The following SPTBN1 variants were observed in gnomAD, a reference collection of about 807,000 sequenced individuals.
SPTBN1 encodes the protein spectrin beta chain, non-erythrocytic 1.
A neutral mutation model predicts 266.4 loss-of-function variants in SPTBN1; 32 were observed. The ratio of observed to expected loss-of-function variants is 0.12; its 90% CI spans 0.09 to 0.16. SPTBN1 has a LOEUF of 0.16. SPTBN1 is among the 10% of genes least tolerant of loss of function. The pLI is 1.00. For missense variants in SPTBN1, 2,296 were observed against 3,067.1 expected, an observed-to-expected ratio of 0.75 and a Z score of 5.94; for synonymous variants, 1,336 against 1,162.2, an observed-to-expected ratio of 1.15 and a Z score of -3.04.
Position 54,664,783 on chromosome 2 carries a change from C to A in SPTBN1, c.6659+92C>A. The A allele has an allele frequency of 1.5e-6, 2 of 1,298,820 alleles. No homozygotes were observed. The highest frequency in any genetic ancestry group is 2.1e-6 in the Non-Finnish European group (2 of 933,744). The allele number at this position is 1,298,820 out of a possible 1,614,324, so 80.5% of individuals were successfully genotyped here. On this transcript the variant is annotated intron_variant, in intron 33 of 35. Coordinates refer to ENST00000356805, the MANE Select transcript of SPTBN1 (RefSeq NM_003128.3). This position sits in a 1 kb window ranked among gnomAD's most constrained non-coding sequence, Gnocchi z 5.6. ...TCTTGAATTGGAAGAGAAGTATGTG[C>A]TCATGTAGTTTTATTCCTTTGGTAG...
intron 1 of SPTBN1, among the ~76,000 whole-genome samples, chr2:54,495,251 G>C (rs1668904272): frequency 6.6e-6 from 1 of 152,198 alleles, no homozygotes; most frequent in African/African-American, 2.4e-5. Flanking sequence ...GTACATCACT[G>C]ACGGGTGGTA....
At chr2:54,643,204 A>G in intron 19 of SPTBN1, 75 bp downstream of exon 19, 4 of 1,576,698 alleles carry the variant, frequency 2.5e-6, no homozygotes, top group Non-Finnish European at 3.5e-6. Flanking sequence ...TATTTAGCAC[A>G]TTTTCCAGCA....
intron 2 of SPTBN1, among the ~76,000 whole-genome samples, chr2:54,574,492 G>A (rs529569587): frequency 5.3e-4 from 81 of 152,178 alleles, no homozygotes; most frequent in Non-Finnish European, 1.1e-3. Flanking sequence ...CCCTAGCTGC[G>A]CAGAAAGCAT....
intron 1 of SPTBN1, among the ~76,000 whole-genome samples, chr2:54,510,119 C>T (rs762063814): frequency 4.3e-4 from 66 of 151,876 alleles, no homozygotes; most frequent in Non-Finnish European, 9.0e-4. Flanking sequence ...CCTCTGCGCC[C>T]GGCTAATTTT....
chr2:54,629,998 A>G lies in SPTBN1; in HGVS notation c.2776A>G (p.Ile926Val), dbSNP rs1457033947. 6.2e-7 allele frequency: 1 copy of G among 1,614,152 alleles called. No homozygotes were observed. Among genetic ancestry groups the G allele is most frequent in the Non-Finnish European group, 8.5e-7 (1 of 1,180,020 alleles). ...MHSGHPSEKE[I>V]KAQQDKLNTR... ...CAGCGGCCACCCAAGTGAGAAGGAAATCAAAGCCCAGCAGGACAAACTCAA... is the reference window on the plus strand; with the variant it reads ...CAGCGGCCACCCAAGTGAGAAGGAAGTCAAAGCCCAGCAGGACAAACTCAA... Residue 926 changes from isoleucine (I) to valine (V), a missense_variant, in exon 15 of 36, where the codon ATC (isoleucine) becomes GTC (valine). Ile to Val is a conservative substitution (Grantham distance 29, BLOSUM62 3). This residue lies in a region of SPTBN1 where 128 missense variants were observed against 176.5 expected (regional missense o/e 0.73). Transcript: ENST00000356805.
intron 2 of SPTBN1, among the ~76,000 whole-genome samples, chr2:54,553,066 G>T (rs61126015): frequency 2.6e-5 from 4 of 152,148 alleles, no homozygotes; most frequent in African/African-American, 9.7e-5. Flanking sequence ...TGTTCTTTTG[G>T]GGGGAAAAGG....
intron 2 of SPTBN1, among the ~76,000 whole-genome samples, chr2:54,547,970 C>T (rs1343813250): frequency 3.3e-5 from 5 of 151,652 alleles, no homozygotes; most frequent in African/African-American, 4.8e-5. Context: ...GGTGAAACCC[C>T]GTCTCTACTA....
At chr2:54,496,453 A>AC (rs947969429) in intron 1 of SPTBN1, among the ~76,000 whole-genome samples, 1 of 151,696 alleles carries the variant, frequency 6.6e-6, no homozygotes, top group Non-Finnish European at 1.5e-5. Context: ...AAAAAAAAAA[A>AC]AAAAAAGTAT....
intron 2 of SPTBN1, among the ~76,000 whole-genome samples, chr2:54,582,375 G>A (rs912304590): frequency 6.6e-6 from 1 of 151,964 alleles, no homozygotes; most frequent in African/African-American, 2.4e-5. Flanking sequence ...CAGGTGTCAG[G>A]CAGGGGAGAG....
At chr2:54,637,009 G>A (rs561160725) in intron 17 of SPTBN1, among the ~76,000 whole-genome samples, 5 of 152,330 alleles carry the variant, frequency 3.3e-5, no homozygotes, top group Admixed American at 6.5e-5. Context: ...TTGCCAAAGA[G>A]TGCTGGCACC....
intron 2 of SPTBN1, among the ~76,000 whole-genome samples, chr2:54,551,559 C>G (rs1029336057): frequency 2.0e-5 from 3 of 152,204 alleles, no homozygotes; most frequent in Non-Finnish European, 2.9e-5. Context: ...GTGCTTGTTT[C>G]CAGTGTAACT....
intron 2 of SPTBN1, among the ~76,000 whole-genome samples, chr2:54,544,272 T>C (rs1672109029): frequency 6.6e-6 from 1 of 152,206 alleles, no homozygotes; most frequent in Non-Finnish European, 1.5e-5. Flanking sequence ...GACCTGCCTT[T>C]TCCAACCTTC....
intron 1 of SPTBN1, among the ~76,000 whole-genome samples, chr2:54,495,680 TAC>T (rs1553434207): frequency 4.0e-5 from 5 of 126,358 alleles, no homozygotes; most frequent in Non-Finnish European, 3.7e-5. Context: ...CATGTGTTTT[TAC>T]CTTTATTTCC....
Position 54,558,171 on chromosome 2 carries a change from G to T in SPTBN1, c.148+31605G>T. The T allele has an allele frequency of 9.1e-6, 9 of 985,372 alleles. No homozygotes were observed. The highest frequency in any genetic ancestry group is 1.1e-5 in the Non-Finnish European group (9 of 829,908). The allele number at this position is 985,372 out of a possible 1,614,324, so 61.0% of individuals were successfully genotyped here. ...CACTACCGCGGCGAGTCCAGGGCCC[G>T]GCCGGGGGTCGGCGGCTGCCGGGCG... On this transcript the variant is annotated intron_variant, in intron 2 of 35. Coordinates refer to ENST00000356805, the MANE Select transcript of SPTBN1 (RefSeq NM_003128.3). The surrounding 1 kb of genome is among the most constrained non-coding windows in gnomAD (Gnocchi z 4.6).
At position 54,531,271 on chromosome 2, in the gene SPTBN1, G is replaced by T. The variant is rs546152938; in HGVS notation, c.148+4705G>T. On this transcript the variant is annotated intron_variant, in intron 2 of 35. Coordinates refer to ENST00000356805, the MANE Select transcript of SPTBN1 (RefSeq NM_003128.3). ...TATGGGGGCAGTCTTGTGGGACCAA[G>T]CCCTTTATCCTATGGGATTTAACAA... Among the ~76,000 whole-genome samples, 8 of 152,298 alleles carry T rather than the reference G, an allele frequency of 5.3e-5. No individual in the cohort carries two copies. In the East Asian group the frequency reaches 9.6e-4, roughly 18 times the overall value.
Position 54,534,492 on chromosome 2 carries a change from A to G in SPTBN1, c.148+7926A>G, listed in dbSNP as rs370463987. ...TTGTTCATGAAAGCTATTGAGAGAA[A>G]GTCTGTTGAGGTCTTTGCACGTAGT... is the stretch of plus-strand genomic sequence containing the variant. On this transcript the variant is annotated intron_variant, in intron 2 of 35. Transcript: ENST00000356805. Among the ~76,000 whole-genome samples the G allele has an allele frequency of 3.9e-4, 60 of 152,322 alleles. 2 individuals are homozygous for G. In the East Asian group the frequency reaches 9.1e-3, roughly 23 times the overall value.
rs544384782 is a variant in SPTBN1 at position 54,554,751 on chromosome 2, T to A, written c.148+28185T>A. Among the ~76,000 whole-genome samples, 6 of 152,292 alleles carry A rather than the reference T, an allele frequency of 3.9e-5. No individual in the cohort carries two copies. In the South Asian group the frequency reaches 1.2e-3, roughly 32 times the overall value. ...CCAGCCCACAGCACTTTTGATCTGT[T>A]CCATCCATATCTTTGAGCCATCTTC... On this transcript the variant is annotated intron_variant, in intron 2 of 35. Coordinates refer to ENST00000356805, the MANE Select transcript of SPTBN1 (RefSeq NM_003128.3). The surrounding 1 kb of genome is among the most constrained non-coding windows in gnomAD (Gnocchi z 4.5).
chr2:54,557,409 T>G (rs1573406254), intron 2 of SPTBN1, among the ~76,000 whole-genome samples: 1 of 137,522 alleles, frequency 7.3e-6, no homozygotes, highest in African/African-American at 2.7e-5. Flanking sequence ...GACAGGAGGG[T>G]GGAGAGAGAG....
intron 1 of SPTBN1, among the ~76,000 whole-genome samples, chr2:54,485,429 G>A (rs1210285798): frequency 1.3e-5 from 2 of 152,246 alleles, no homozygotes; most frequent in Non-Finnish European, 2.9e-5. Context: ...CTAACCGTGA[G>A]TGATCTGCCA....
Sources: gnomAD v4.1 joint callset for allele counts (sites outside exome capture counted in the v4.1 genomes callset) on GRCh38, gnomAD v4.1.1 for gene constraint, gnomAD v4.1.1 regional missense constraint, Gnocchi (gnomAD v3.1) non-coding constraint, MANE v1.5 for transcripts, NCBI Gene and HGNC (gene_info 2026-07-23, HGNC 2026-07-21) for gene names.